The following PLAG1 variants were observed in gnomAD, a reference collection of about 807,000 sequenced individuals.
The protein encoded by PLAG1 is zinc finger protein PLAG1.
A neutral mutation model predicts 35.5 loss-of-function variants in PLAG1; 7 were observed. The ratio of observed to expected loss-of-function variants is 0.20; its 90% CI spans 0.11 to 0.37. The LOEUF is 0.37. Ranked by LOEUF, PLAG1 falls within the 10% of genes least tolerant of loss-of-function variation. PLAG1 has a pLI of 1.00. For synonymous variants in PLAG1, 229 were observed against 225.4 expected, an observed-to-expected ratio of 1.02 and a Z score of -0.14; for missense variants, 454 against 602.8, an observed-to-expected ratio of 0.75 and a Z score of 2.58.
rs184041484 is a variant in PLAG1 at position 56,178,387 on chromosome 8, A to T, written c.-217+1022T>A. On this transcript the variant is annotated intron_variant, in intron 2 of 4. Coordinates refer to ENST00000316981, the MANE Select transcript of PLAG1 (RefSeq NM_002655.3). The stretch of plus-strand genomic sequence containing the variant: ...TACAGTAAAGTAGAAAAAGAAAAAA[A>T]AAATCCATAACCCCTAACACTAAAG... Among the ~76,000 whole-genome samples, 994 of 152,310 alleles carry T rather than the reference A, an allele frequency of 6.5e-3. 11 individuals carry two copies. Among genetic ancestry groups the T allele is most frequent in the African/African-American group, 0.021 (886 of 41,560 alleles).
At chr8:56,180,691 A>T (rs1330599460) in intron 1 of PLAG1, among the ~76,000 whole-genome samples, 4 of 152,180 alleles carry the variant, frequency 2.6e-5, no homozygotes, top group Non-Finnish European at 4.4e-5. Flanking sequence ...ATATGGCTAG[A>T]CAGTTTTCCC....
intron 2 of PLAG1, among the ~76,000 whole-genome samples, chr8:56,177,601 T>G (rs548385933): frequency 6.6e-6 from 1 of 152,274 alleles, no homozygotes; most frequent in East Asian, 1.9e-4. Context: ...CCAGCGACAG[T>G]AAATTCATCT....
At chr8:56,196,645 C>A (rs1401697125) in intron 1 of PLAG1, among the ~76,000 whole-genome samples, 3 of 152,086 alleles carry the variant, frequency 2.0e-5, no homozygotes, top group Non-Finnish European at 4.4e-5. Context: ...AAGTACCACA[C>A]GCATAGACGA....
At chr8:56,169,108 T>C (rs952552627) in intron 3 of PLAG1, among the ~76,000 whole-genome samples, 1 of 152,222 alleles carries the variant, frequency 6.6e-6, no homozygotes, top group African/African-American at 2.4e-5. Context: ...GAGAAAGACA[T>C]GGTTAATGTA....
At chr8:56,193,948 G>A (rs1393100013) in intron 1 of PLAG1, among the ~76,000 whole-genome samples, 2 of 151,890 alleles carry the variant, frequency 1.3e-5, no homozygotes, top group African/African-American at 4.8e-5. Context: ...TCGATCTCTC[G>A]ACCCCGTGAT....
intron 1 of PLAG1, among the ~76,000 whole-genome samples, chr8:56,207,368 A>G (rs943960476): frequency 1.5e-4 from 23 of 152,016 alleles, no homozygotes; most frequent in African/African-American, 5.6e-4. Context: ...CATAGTGACA[A>G]TCAGGATTAC....
chr8:56,178,115 T>C (rs891031919), intron 2 of PLAG1: 1 of 401,888 alleles, frequency 2.5e-6, no homozygotes, highest in Non-Finnish European at 3.4e-6. Context: ...AAATAGCCAG[T>C]GAAGTTCTAT....
At chr8:56,196,513 G>A (rs951805657) in intron 1 of PLAG1, among the ~76,000 whole-genome samples, 1 of 152,124 alleles carries the variant, frequency 6.6e-6, no homozygotes, top group African/African-American at 2.4e-5. Flanking sequence ...ACTTTCAGGG[G>A]CCAAGCGCTG....
chr8:56,175,931 G>C (rs1261503714), intron 2 of PLAG1, among the ~76,000 whole-genome samples: 12 of 151,920 alleles, frequency 7.9e-5, no homozygotes, highest in Admixed American at 6.6e-4. Flanking sequence ...GGAGTATCAA[G>C]TAAATTTTAT....
intron 1 of PLAG1, among the ~76,000 whole-genome samples, chr8:56,195,088 G>A (rs1001295110): frequency 2.6e-5 from 4 of 152,140 alleles, no homozygotes; most frequent in Non-Finnish European, 4.4e-5. Flanking sequence ...GACTATCAGA[G>A]ATTTCTAGTT....
At position 56,192,220 on chromosome 8, in the gene PLAG1, G is replaced by T. The variant is rs181399508; in HGVS notation, c.-321-12707C>A. Among the ~76,000 whole-genome samples the T allele has an allele frequency of 5.8e-3, 889 of 152,294 alleles. 9 individuals carry two copies. The highest frequency in any genetic ancestry group is 0.02 in the African/African-American group (846 of 41,550). On this transcript the variant is annotated intron_variant, in intron 1 of 4. Transcript: ENST00000316981. ...CTTCCCTGGAGGTCAAAGCTGCCAT[G>T]CAATTGCCAAGCCAAAGAAAAGTGG...
chr8:56,194,093 C>G (rs117431702), intron 1 of PLAG1, among the ~76,000 whole-genome samples: 3,739 of 152,010 alleles, frequency 0.025, 62 homozygotes, highest in Non-Finnish European at 0.04. Flanking sequence ...ACTGTTGGAT[C>G]ACTTTAGGCT....
In PLAG1 at chr8:56,163,315, TTA is replaced by T. The variant is rs1438903181; in HGVS notation, c.*2926_*2927del. 1 of 189,660 alleles carries T rather than the reference TTA, an allele frequency of 5.3e-6. No homozygotes were observed. Among genetic ancestry groups the T allele is most frequent in the African/African-American group, 2.4e-5 (1 of 41,978 alleles). 11.7% of individuals were successfully genotyped at this position (189,660 alleles called of 1,614,324 possible). ...AGAATGAAAACAGCATTGGCAATACTTATTTTTAATCATATCTAGTTGACATA... is the reference window on the plus strand; with the variant it reads ...AGAATGAAAACAGCATTGGCAATACTTTTTTAATCATATCTAGTTGACATA... On this transcript the variant is annotated 3_prime_UTR_variant, in exon 5 of 5. Transcript: ENST00000316981.
intron 2 of PLAG1, chr8:56,178,196 G>A (rs1413347370): frequency 1.9e-5 from 3 of 156,732 alleles, no homozygotes; most frequent in Non-Finnish European, 2.8e-5. Flanking sequence ...AAAATAAAAT[G>A]TGAGGATCAT....
chr8:56,174,676 T>C (rs928351580), intron 2 of PLAG1, among the ~76,000 whole-genome samples: 2 of 152,312 alleles, frequency 1.3e-5, no homozygotes, highest in African/African-American at 4.8e-5. Flanking sequence ...GTCATCATAA[T>C]AGACATAAGA....
chr8:56,168,166 G>A lies in PLAG1; in HGVS notation c.104C>T (p.Pro35Leu), dbSNP rs760940574. The A allele has an allele frequency of 2.5e-6, 4 of 1,613,680 alleles. No individual in the cohort carries two copies. The highest frequency in any genetic ancestry group is 3.3e-5 in the Admixed American group (2 of 59,964). The change falls in exon 4 of 5, where the codon CCT becomes CTT. Residue 35 changes from proline (P) to leucine (L), a missense_variant. Around this residue, in one of 4 missense-constraint regions of PLAG1, gnomAD observed 170 missense variants for 226.3 expected, o/e 0.75. Coordinates refer to ENST00000316981, the MANE Select transcript of PLAG1 (RefSeq NM_002655.3). ...AAAGGCCTTGTCACACAGTTGGCAA[G>A]GAAAGTTTTTTCTTGGTTTGGTTTC... is the stretch of plus-strand genomic sequence containing the variant. ...RGETKPRKNF[P>L]CQLCDKAFNS...
intron 1 of PLAG1, among the ~76,000 whole-genome samples, chr8:56,188,281 C>A (rs996294131): frequency 6.6e-6 from 1 of 152,064 alleles, no homozygotes; most frequent in East Asian, 1.9e-4. Context: ...GGGGAAGATG[C>A]AGGGAGGGGA....
chr8:56,173,479 A>G (rs1440096864), intron 2 of PLAG1, among the ~76,000 whole-genome samples: 3 of 152,106 alleles, frequency 2.0e-5, no homozygotes, highest in African/African-American at 7.2e-5. Context: ...AGATAAAATT[A>G]TCTGTATATT....
At position 56,166,345 on chromosome 8, in the gene PLAG1, T is replaced by C. The variant is rs1014167624; in HGVS notation, c.1401A>G (p.Ala467=). The C allele has an allele frequency of 6.2e-6, 10 of 1,613,646 alleles. No individual in the cohort carries two copies. In the Admixed American group the frequency reaches 1.0e-4, roughly 16 times the overall value. The change falls in exon 5 of 5, where the codon GCA becomes GCG. Residue 467 remains alanine (A), a synonymous_variant. Coordinates refer to ENST00000316981, the MANE Select transcript of PLAG1 (RefSeq NM_002655.3). The stretch of plus-strand genomic sequence containing the variant: ...GCAGAGACCCAAGCCCTATAGTGTT[T>C]GCAGGATCCTGAAGATCCTGTGTTT... ...PPQTQDLQDP[A]NTIGLGSLHS... is the part of the protein sequence containing the mutation.
Sources: gnomAD v4.1 joint callset for allele counts (sites outside exome capture counted in the v4.1 genomes callset) on GRCh38, gnomAD v4.1.1 for gene constraint, gnomAD v4.1.1 regional missense constraint, MANE v1.5 for transcripts, NCBI Gene and HGNC (gene_info 2026-07-23, HGNC 2026-07-21) for gene names.